The following SND1 variants were observed in gnomAD, a reference collection of about 807,000 sequenced individuals.
SND1 encodes staphylococcal nuclease and tudor domain containing 1.
In SND1, 38 loss-of-function variants were observed where a neutral mutation model predicts 121.7. The observed-to-expected ratio is 0.31, with a 90% CI of 0.24 to 0.41. The LOEUF is 0.41. Ranked by LOEUF, SND1 falls within the 10% of genes least tolerant of loss-of-function variation. The probability of loss-of-function intolerance (pLI) is 1.00; values close to 1 mark genes in which losing one functional copy is unlikely to be tolerated. For synonymous variants in SND1, 401 were observed against 447.4 expected (o/e 0.90, Z 1.31); for missense variants, 868 against 1,184.6 (o/e 0.73, Z 3.92).
intron 16 of SND1, chr7:127,997,332 C>G (rs1438073266): frequency 5.7e-6 from 1 of 175,052 alleles, no homozygotes; most frequent in Non-Finnish European, 1.2e-5. Context: ...GAGGACTTCC[C>G]TGAAGGTCCC....
intron 10 of SND1, among the ~76,000 whole-genome samples, chr7:127,780,218 G>A (rs1333014157): frequency 6.6e-6 from 1 of 152,134 alleles, no homozygotes; most frequent in Non-Finnish European, 1.5e-5. Flanking sequence ...GTTAGTTTTG[G>A]TTTCTTATGT....
Position 128,024,585 on chromosome 7 carries a change from G to C in SND1, c.1779+33529G>C, listed in dbSNP as rs569983201. On this transcript the variant is annotated intron_variant, in intron 16 of 23. Transcript: ENST00000354725. Reference sequence around the variant, plus strand: ...TGACCCTCTTCTCAGACAACAATAGGAATTGTCTTGCAGGGACTCTCTGCT... The same window carrying C: ...TGACCCTCTTCTCAGACAACAATAGCAATTGTCTTGCAGGGACTCTCTGCT... 2.6e-5 allele frequency among the ~76,000 whole-genome samples: 4 copies of C among 152,272 alleles called. No homozygotes were observed. In the South Asian group the frequency reaches 6.2e-4, roughly 24 times the overall value.
chr7:127,748,234 T>C (rs527241314), intron 10 of SND1, among the ~76,000 whole-genome samples: 21 of 152,336 alleles, frequency 1.4e-4, no homozygotes, highest in South Asian at 8.3e-4. Context: ...TCTTGACAGC[T>C]TGTTTCCTGC....
intron 15 of SND1, among the ~76,000 whole-genome samples, chr7:127,943,199 A>G (rs1182537848): frequency 1.3e-5 from 2 of 152,208 alleles, no homozygotes; most frequent in Admixed American, 6.5e-5. Flanking sequence ...TCTATTAATC[A>G]TTGTAATAAT....
intron 10 of SND1, among the ~76,000 whole-genome samples, chr7:127,747,837 T>G (rs1044094015): frequency 1.3e-5 from 2 of 152,214 alleles, no homozygotes; most frequent in African/African-American, 4.8e-5. Context: ...CTCTCCCTCC[T>G]TTGCTTTTTA....
chr7:127,702,539 T>C lies in SND1; in HGVS notation c.681+13T>C, dbSNP rs1342209822. The C allele has an allele frequency of 3.7e-6, 6 of 1,610,358 alleles. No individual in the cohort carries two copies. Among genetic ancestry groups the C allele is most frequent in the Non-Finnish European group, 5.1e-6 (6 of 1,176,614 alleles). On this transcript the variant is annotated intron_variant, in intron 6 of 23. Coordinates refer to ENST00000354725, the MANE Select transcript of SND1 (RefSeq NM_014390.4). ...GTCAGGCATCAAGGTCAGACCATAC[T>C]CTTGGCTACGTGGTGGGTTTAGAGT...
intron 9 of SND1, among the ~76,000 whole-genome samples, chr7:127,710,346 C>T (rs984866528): frequency 7.9e-5 from 12 of 151,500 alleles, no homozygotes; most frequent in African/African-American, 2.7e-4. Context: ...GATCTCTGAT[C>T]TATACCAGTC....
Position 127,754,199 on chromosome 7 carries a change from T to C in SND1, c.1152+32799T>C, listed in dbSNP as rs1006585177. 3.3e-5 allele frequency among the ~76,000 whole-genome samples: 5 copies of C among 152,190 alleles called. No homozygotes were observed. In the East Asian group the frequency reaches 9.6e-4, roughly 29 times the overall value. On this transcript the variant is annotated intron_variant, in intron 10 of 23. Transcript: ENST00000354725. ...TGTTGGAATTGTATAGATTATCTTC[T>C]TGAGTGAAAATAGGGCTCAGATTGA...
intron 16 of SND1, among the ~76,000 whole-genome samples, chr7:128,053,056 A>G (rs951536597): frequency 1.3e-5 from 2 of 152,268 alleles, no homozygotes; most frequent in African/African-American, 4.8e-5. Context: ...AGCCAGATTA[A>G]ATAGTGTGTT....
At chr7:127,685,647 G>A (rs972234275) in intron 1 of SND1, among the ~76,000 whole-genome samples, 2 of 152,214 alleles carry the variant, frequency 1.3e-5, no homozygotes, top group Non-Finnish European at 2.9e-5. Context: ...ACAGTTGCAA[G>A]TGGGTTCTAT....
intron 15 of SND1, among the ~76,000 whole-genome samples, chr7:127,933,101 G>A (rs1038139025): frequency 6.6e-6 from 1 of 152,220 alleles, no homozygotes; most frequent in Non-Finnish European, 1.5e-5. Flanking sequence ...GGCCACAAAT[G>A]TATAGGGGAA....
intron 15 of SND1, among the ~76,000 whole-genome samples, chr7:127,985,565 A>G (rs925275843): frequency 6.6e-6 from 1 of 152,200 alleles, no homozygotes; most frequent in Admixed American, 6.5e-5. Flanking sequence ...GCCATGTACT[A>G]TTTCTTAACA....
chr7:127,740,050 C>T (rs1796852095), intron 10 of SND1, among the ~76,000 whole-genome samples: 1 of 152,168 alleles, frequency 6.6e-6, no homozygotes, highest in Non-Finnish European at 1.5e-5. Flanking sequence ...GCAGATTCGC[C>T]CTTGCTAAGT....
At chr7:127,732,668 C>T (rs1210119177) in intron 10 of SND1, among the ~76,000 whole-genome samples, 3 of 152,212 alleles carry the variant, frequency 2.0e-5, no homozygotes, top group African/African-American at 7.2e-5. Context: ...CACATTTAAG[C>T]TGCTTATTAA....
chr7:127,942,568 T>C (rs1392414393), intron 15 of SND1, among the ~76,000 whole-genome samples: 1 of 152,194 alleles, frequency 6.6e-6, no homozygotes, highest in African/African-American at 2.4e-5. Flanking sequence ...TAGATAGGTC[T>C]GTGTTTGTGC....
intron 23 of SND1, 24 bp from the exon 24 acceptor site, chr7:128,091,969 G>A (rs775572705): frequency 2.0e-5 from 33 of 1,613,996 alleles, no homozygotes; most frequent in Non-Finnish European, 2.7e-5. Context: ...TCCCTGAAGA[G>A]CTATTGTCTG....
At chr7:128,038,013 A>C (rs1032478470) in intron 16 of SND1, among the ~76,000 whole-genome samples, 10 of 152,312 alleles carry the variant, frequency 6.6e-5, no homozygotes, top group African/African-American at 2.4e-4. Flanking sequence ...TGTTCATTGG[A>C]GATTAAGGGA....
At chr7:128,055,344 C>G (rs1460895449) in intron 16 of SND1, among the ~76,000 whole-genome samples, 1 of 152,120 alleles carries the variant, frequency 6.6e-6, no homozygotes, top group Non-Finnish European at 1.5e-5. Flanking sequence ...AAAGGAGCCC[C>G]TGTAGCTTCA....
intron 14 of SND1, among the ~76,000 whole-genome samples, chr7:127,905,675 C>G (rs1800320524): frequency 6.6e-6 from 1 of 152,044 alleles, no homozygotes; most frequent in Admixed American, 6.6e-5. Context: ...GATCAGGTGG[C>G]CAGGAAAGGC....
Sources: allele counts gnomAD v4.1 joint callset (sites outside exome capture counted in the v4.1 genomes callset), GRCh38; gene constraint gnomAD v4.1.1; transcripts MANE v1.5; gene names NCBI Gene and HGNC (gene_info 2026-07-23, HGNC 2026-07-21).